Variants in SAMMSON observed in about 807,000 individuals in gnomAD.
SAMMSON encodes the protein survival associated mitochondrial melanoma specific oncogenic non-coding RNA, also known as long intergenic non-protein coding RNA 1212.
chr3:70,258,903 A>G (rs1701841504), intron 6 of SAMMSON, among the ~76,000 whole-genome samples: 1 of 152,074 alleles, frequency 6.6e-6, no homozygotes, highest in African/African-American at 2.4e-5. Flanking sequence ...TTTTTCTTCA[A>G]TTTCTTTAAT....
chr3:70,418,984 TCTCTC>T (rs1701289089), intron 2 of SAMMSON, among the ~76,000 whole-genome samples: 1 of 68,694 alleles, frequency 1.5e-5, no homozygotes, highest in Non-Finnish European at 2.6e-5. Flanking sequence ...CTTCCTTCTC[TCTCTC>T]TCTCTCTCTC....
intron 4 of SAMMSON, among the ~76,000 whole-genome samples, chr3:70,190,823 G>A (rs1449571640): frequency 2.0e-5 from 3 of 152,056 alleles, no homozygotes; most frequent in Non-Finnish European, 4.4e-5. Context: ...CACCTCCCAG[G>A]GGCAGTTTTA....
At chr3:70,417,460 G>A (rs182532591) in intron 2 of SAMMSON, among the ~76,000 whole-genome samples, 1 of 152,104 alleles carries the variant, frequency 6.6e-6, no homozygotes, top group African/African-American at 2.4e-5. Context: ...TTAGAGCTTT[G>A]ATTTAGATTC....
At chr3:70,288,786 T>A (rs1471898858) in intron 6 of SAMMSON, among the ~76,000 whole-genome samples, 2 of 151,940 alleles carry the variant, frequency 1.3e-5, no homozygotes, top group Non-Finnish European at 2.9e-5. Flanking sequence ...GCTCTTCTTG[T>A]TGAATTGATC....
chr3:70,310,358 AT>A (rs1559560602), intron 7 of SAMMSON, among the ~76,000 whole-genome samples: 1 of 151,600 alleles, frequency 6.6e-6, no homozygotes, highest in Admixed American at 6.6e-5. Context: ...ATTATTTTTA[AT>A]TTTATGTATT....
chr3:70,391,496 G>A (rs1267389091), downstream of SAMMSON, among the ~76,000 whole-genome samples: 3 of 151,866 alleles, frequency 2.0e-5, no homozygotes, highest in African/African-American at 7.3e-5. Context: ...TCTCTTTCTC[G>A]GTACTTGTAG....
At chr3:70,065,230 T>A (rs750344689) in intron 3 of SAMMSON, 5 of 152,120 alleles carry the variant, frequency 3.3e-5, no homozygotes, top group Admixed American at 1.3e-4. Context: ...GGTCTTTCCT[T>A]TAATTTCTGT....
intron 7 of SAMMSON, among the ~76,000 whole-genome samples, chr3:70,300,842 C>A (rs939361135): frequency 4.0e-5 from 6 of 151,898 alleles, no homozygotes; most frequent in East Asian, 1.9e-4. Context: ...AAAGCTATAC[C>A]AAATTTGGAC....
At chr3:70,412,758 A>G (rs1252218207) in intron 2 of SAMMSON, among the ~76,000 whole-genome samples, 3 of 152,142 alleles carry the variant, frequency 2.0e-5, no homozygotes, top group Non-Finnish European at 2.9e-5. Context: ...CTATAACTAG[A>G]ATTGGTGACA....
intron 8 of SAMMSON, among the ~76,000 whole-genome samples, chr3:70,357,600 A>G (rs1354743581): frequency 6.6e-6 from 1 of 152,062 alleles, no homozygotes; most frequent in Non-Finnish European, 1.5e-5. Flanking sequence ...CTGGGAGGCT[A>G]GGGGAGGAAA....
At chr3:70,045,111 T>TAA (rs1453973271) in intron 3 of SAMMSON, among the ~76,000 whole-genome samples, 212 of 86,334 alleles carry the variant, frequency 2.5e-3, no homozygotes, top group Non-Finnish European at 2.8e-3. Context: ...ATATTATAAT[T>TAA]TATATATATT....
chr3:70,330,178 A>G (rs1376062462), intron 7 of SAMMSON, among the ~76,000 whole-genome samples: 1 of 151,932 alleles, frequency 6.6e-6, no homozygotes, highest in Non-Finnish European at 1.5e-5. Flanking sequence ...CTTTAAGAGA[A>G]ACTGCAAAAG....
At chr3:70,292,480 C>T (rs976886185) in intron 7 of SAMMSON, among the ~76,000 whole-genome samples, 3 of 151,976 alleles carry the variant, frequency 2.0e-5, no homozygotes, top group South Asian at 2.1e-4. Flanking sequence ...AGGAAACAAT[C>T]GTAAAGATGA....
chr3:70,021,373 G>C (rs576636044), intron 3 of SAMMSON, among the ~76,000 whole-genome samples: 1 of 152,040 alleles, frequency 6.6e-6, no homozygotes, highest in Non-Finnish European at 1.5e-5. Context: ...TTAACCTTTT[G>C]CTGTTTTTAT....
At chr3:70,071,456 T>C (rs2067229151) in intron 3 of SAMMSON, 1 of 152,086 alleles carries the variant, frequency 6.6e-6, no homozygotes, top group Non-Finnish European at 1.5e-5. Flanking sequence ...GCTGGTTTTT[T>C]TTTCTTTTTT....
At chr3:70,242,442 G>C (rs1701673218) in intron 4 of SAMMSON, among the ~76,000 whole-genome samples, 1 of 152,100 alleles carries the variant, frequency 6.6e-6, no homozygotes, top group Non-Finnish European at 1.5e-5. Flanking sequence ...AATCTCAGTG[G>C]CCCATAGGTC....
At chr3:70,261,622 C>T (rs1181963438) in intron 6 of SAMMSON, among the ~76,000 whole-genome samples, 1 of 152,178 alleles carries the variant, frequency 6.6e-6, no homozygotes, top group African/African-American at 2.4e-5. Flanking sequence ...GCTTTCTTCA[C>T]TTTCAACAAT....
At chr3:70,290,791 G>A (rs1259578027) in intron 6 of SAMMSON, among the ~76,000 whole-genome samples, 1 of 152,206 alleles carries the variant, frequency 6.6e-6, no homozygotes, top group African/African-American at 2.4e-5. Flanking sequence ...TGTCGGAAAA[G>A]CGCAGTATTC....
chr3:70,271,360 T>C (rs1157902822), intron 6 of SAMMSON, among the ~76,000 whole-genome samples: 1 of 152,122 alleles, frequency 6.6e-6, no homozygotes, highest in Non-Finnish European at 1.5e-5. Context: ...CTCACCTCCA[T>C]TGGTGAGCTC....
Sources: allele counts gnomAD v4.1 joint callset (sites outside exome capture counted in the v4.1 genomes callset), GRCh38; gene constraint gnomAD v4.1.1; transcripts MANE v1.5; gene names NCBI Gene and HGNC (gene_info 2026-07-23, HGNC 2026-07-21).